SEC16A: variants seen among roughly 807,000 people sequenced by gnomAD.
The protein encoded by SEC16A is SEC16 homolog A, endoplasmic reticulum export factor.
Under a neutral mutation model 221.9 loss-of-function variants are expected in SEC16A, and 110 were observed. The ratio of observed to expected loss-of-function variants is 0.50; its 90% confidence interval spans 0.42 to 0.58. The LOEUF (loss-of-function observed/expected upper bound fraction) is 0.58. SEC16A is among the 20% of genes least tolerant of loss of function. SEC16A has a pLI of 0.00. For synonymous variants in SEC16A, 1,393 were observed against 1,257.7 expected (o/e 1.11, Z -2.28); for missense variants, 3,165 against 3,097.8 (o/e 1.02, Z -0.52).
intron 12 of SEC16A, among the ~76,000 whole-genome samples, 177 bp from the exon 13 acceptor site, chr9:136,461,451 A>G (rs1839470475): frequency 6.6e-6 from 1 of 152,210 alleles, no homozygotes; most frequent in Non-Finnish European, 1.5e-5. Flanking sequence ...TATTTTCCTG[A>G]GTTTCAAAGT....
rs573369208 is a variant in SEC16A at position 136,476,412 on chromosome 9, C to T, written c.1204G>A (p.Asp402Asn). The T allele has an allele frequency of 5.6e-6, 9 of 1,612,944 alleles. No individual in the cohort carries two copies. The African/African-American group carries it at 6.7e-5, about 12-fold the overall frequency. ...AGLSGQADFD[D>N]FCSSPGLGRP... ...CCTAGCCCAGGGCTGGAGCAGAAAT[C>T]GTCAAAGTCCGCTTGACCAGATAAG... is the stretch of plus-strand genomic sequence containing the variant. The change falls in exon 3 of 32, where the codon GAT (aspartate) becomes AAT (asparagine). Residue 402 changes from aspartate (D) to asparagine (N), a missense_variant. Physicochemically the swap from Asp to Asn is conservative, Grantham distance 23. This residue lies in a region of SEC16A where 2,030 missense variants were observed against 1,923.1 expected (regional missense o/e 1.06). Coordinates refer to ENST00000684901, the MANE Select transcript of SEC16A (RefSeq NM_014866.2).
At chr9:136,451,173 A>C (rs1454466331) in intron 23 of SEC16A, 83 bp downstream of exon 23, 2 of 1,427,382 alleles carry the variant, frequency 1.4e-6, no homozygotes, top group African/African-American at 2.8e-5. Flanking sequence ...TGTGTGGTGA[A>C]TTAAGAGGAT....
chr9:136,457,837 C>T (rs1293856818), intron 17 of SEC16A, among the ~76,000 whole-genome samples: 1 of 152,242 alleles, frequency 6.6e-6, no homozygotes, highest in Non-Finnish European at 1.5e-5. Flanking sequence ...CTCTGCTTTC[C>T]CCCCAACCCC....
rs550808161 is a variant in SEC16A, at chr9:136,459,078, T to C, written c.5409+56A>G. 54 of 1,323,032 alleles carry C rather than the reference T, an allele frequency of 4.1e-5. No homozygotes were observed. Among genetic ancestry groups the C allele is most frequent in the Admixed American group, 6.6e-5 (3 of 45,454 alleles). 82.0% of individuals were successfully genotyped at this position (1,323,032 alleles called of 1,614,324 possible). On this transcript the variant is annotated intron_variant, in intron 17 of 31. Coordinates refer to ENST00000684901, the MANE Select transcript of SEC16A (RefSeq NM_014866.2). The surrounding 1 kb of genome is among the most constrained non-coding windows in gnomAD (Gnocchi z 6.1). Reference sequence around the variant, plus strand: ...AACAATCTAAGTAGCCAAAAGCTTGTTAGCACTGAGTGCCTGCCCAGCCAT... The same window carrying C: ...AACAATCTAAGTAGCCAAAAGCTTGCTAGCACTGAGTGCCTGCCCAGCCAT...
chr9:136,447,808 T>G lies in SEC16A; in HGVS notation c.6447+45A>C, dbSNP rs1481743346. The G allele has an allele frequency of 5.1e-6, 8 of 1,580,404 alleles. No homozygotes were observed. The highest frequency in any genetic ancestry group is 1.3e-5 in the African/African-American group (1 of 74,262). On this transcript the variant is annotated intron_variant, in intron 25 of 31. Coordinates refer to ENST00000684901, the MANE Select transcript of SEC16A (RefSeq NM_014866.2). The surrounding 1 kb of genome is among the most constrained non-coding windows in gnomAD (Gnocchi z 5.5). ...CACAGGGCCACATGAGGCTGTTCCCTCCACTCACACCTCACACCCAACAGG... is the reference window on the plus strand; with the variant it reads ...CACAGGGCCACATGAGGCTGTTCCCGCCACTCACACCTCACACCCAACAGG...
chr9:136,461,041 A>G, intron 13 of SEC16A, 136 bp downstream of exon 13: 1 of 685,830 alleles, frequency 1.5e-6, no homozygotes, highest in South Asian at 1.6e-5. Context: ...CTCGAGGCCA[A>G]GGAAGCCCGA....
In SEC16A at chr9:136,482,971, G is replaced by A. The variant is rs1842603538; in HGVS notation, c.-225C>T. On this transcript the variant is annotated 5_prime_UTR_variant, in exon 1 of 32. Transcript: ENST00000684901. ...CTGAGACCGATCCCTCAGGAGCCGC[G>A]GGCGAAAGCCCACCCGACGCTGGCG... 2 of 984,896 alleles carry A rather than the reference G, an allele frequency of 2.0e-6. No individual in the cohort carries two copies. Among genetic ancestry groups the A allele is most frequent in the Admixed American group, 6.2e-5 (1 of 16,250 alleles). The allele number at this position is 984,896 out of a possible 1,614,324, so 61.0% of individuals were successfully genotyped here.
Position 136,455,641 on chromosome 9 carries a change from G to C in SEC16A, c.5817C>G (p.Ser1939Arg), listed in dbSNP as rs1435063692. The C allele has an allele frequency of 5.0e-6, 8 of 1,587,824 alleles. No individual in the cohort carries two copies. Among genetic ancestry groups the C allele is most frequent in the Non-Finnish European group, 6.8e-6 (8 of 1,168,588 alleles). The change falls in exon 20 of 32, where the codon AGC (serine) becomes AGG (arginine). Residue 1939 changes from serine (S) to arginine (R), a missense_variant. By Grantham distance (110) the Ser-to-Arg change is moderately radical (BLOSUM62 -1). Around this residue, in one of 3 missense-constraint regions of SEC16A, gnomAD observed 1,088 missense variants for 1,089.6 expected, o/e 1.00. Transcript: ENST00000684901. The part of the protein sequence containing the change: ...ANPLLAVPAP[S>R]PEHSSPSVRL... ...GCACGCTCGGGCTCGAGTGCTCAGG[G>C]CTCGGTGCAGGCACCGCCAGCAGAG...
At position 136,454,061 on chromosome 9, in the gene SEC16A, A is replaced by T. The variant is rs375367915; in HGVS notation, c.6076+48T>A. 4 of 1,478,346 alleles carry T rather than the reference A, an allele frequency of 2.7e-6. No homozygotes were observed. The East Asian group carries it at 7.4e-5, about 27-fold the overall frequency. The allele number at this position is 1,478,346 out of a possible 1,614,324, so 91.6% of individuals were successfully genotyped here. A position where few individuals can be genotyped will look rare whatever the true frequency, so the allele number is the denominator to read the frequency against. On this transcript the variant is annotated intron_variant, in intron 21 of 31. Transcript: ENST00000684901. ...TCTTCCACCAATCCCCACAAACACC[A>T]CACCCCATGCTGCTTCTGCTCTCGA...
At chr9:136,469,496 C>G (rs1055727361) in intron 4 of SEC16A, among the ~76,000 whole-genome samples, 1 of 152,126 alleles carries the variant, frequency 6.6e-6, no homozygotes, top group African/African-American at 2.4e-5. Context: ...GACCCTGTCT[C>G]CATAAAACAG....
chr9:136,459,832 C>T lies in SEC16A; in HGVS notation c.5116G>A (p.Ala1706Thr), dbSNP rs758670936. The change falls in exon 15 of 32, where the codon GCC becomes ACC. Residue 1706 changes from alanine to threonine, a missense_variant. Ala to Thr is a moderately conservative substitution (Grantham distance 58). Coordinates refer to ENST00000684901, the MANE Select transcript of SEC16A (RefSeq NM_014866.2). This position sits in a 1 kb window ranked among gnomAD's most constrained non-coding sequence, Gnocchi z 6.1. ...TTGTTCAAGTTGGACAAGACCATGG[C>T]GAGGTGCGGCCTCCAATCTCCCCAT... is the stretch of plus-strand genomic sequence containing the variant. ...EKWGDWRPHLAMVLSNLNNNM... is the reference protein window; with the variant it reads ...EKWGDWRPHLTMVLSNLNNNM... 3.1e-6 allele frequency: 5 copies of T among 1,613,570 alleles called. No individual in the cohort carries two copies. Among genetic ancestry groups the T allele is most frequent in the South Asian group, 1.1e-5 (1 of 90,952 alleles).
At chr9:136,443,757 G>T in intron 31 of SEC16A, 66 bp downstream of exon 31, 1 of 1,150,194 alleles carries the variant, frequency 8.7e-7, no homozygotes, top group South Asian at 1.3e-5. Context: ...TGCCATCACT[G>T]AGCAGCAGGG....
chr9:136,474,161 G>A lies in SEC16A; in HGVS notation c.3455C>T (p.Pro1152Leu), dbSNP rs376257670. ...GTAGTAGGCGGCCAGGTCCTGAGGCGGTGGGCCGGGGGCAAGTGCAGGCAC... is the reference window on the plus strand; with the variant it reads ...GTAGTAGGCGGCCAGGTCCTGAGGCAGTGGGCCGGGGGCAAGTGCAGGCAC... ...QPVPALAPGP[P>L]PQDLAAYYYY... is the part of the protein sequence containing the mutation. The change falls in exon 3 of 32, where the codon CCG (proline) becomes CTG (leucine). Residue 1152 changes from proline to leucine, a missense_variant. Pro to Leu is a moderately conservative substitution (Grantham distance 98). Transcript: ENST00000684901. 100 of 1,613,136 alleles carry A rather than the reference G, an allele frequency of 6.2e-5. No individual in the cohort carries two copies. The highest frequency in any genetic ancestry group is 7.8e-5 in the Non-Finnish European group (92 of 1,179,880).
chr9:136,451,414 G>A lies in SEC16A; in HGVS notation c.6160-6C>T, dbSNP rs759936401. 1.1e-5 allele frequency: 17 copies of A among 1,588,096 alleles called. No homozygotes were observed. The highest frequency in any genetic ancestry group is 1.8e-5 in the Admixed American group (1 of 55,106). The stretch of plus-strand genomic sequence containing the variant: ...GGCACCGTCCTCGAGGGGGTCTGTC[G>A]CAAGGAAATGCAGAACAGGCTCTCC... On this transcript the variant is annotated splice_region_variant and splice_polypyrimidine_tract_variant and intron_variant, in intron 22 of 31. Coordinates refer to ENST00000684901, the MANE Select transcript of SEC16A (RefSeq NM_014866.2).
chr9:136,459,220 C>T lies in SEC16A; in HGVS notation c.5323G>A (p.Ala1775Thr), dbSNP rs778929428. The T allele has an allele frequency of 8.7e-6, 14 of 1,613,504 alleles. No homozygotes were observed. Among genetic ancestry groups the T allele is most frequent in the South Asian group, 3.3e-5 (3 of 91,016 alleles). The part of the protein sequence containing the change: ...SNHSLPFLKF[A>T]TNEAIQRTEA... ...GTCCTCTGGATTGCTTCGTTGGTTG[C>T]GAACTTTAAGAATGGCAAACTGTAG... Residue 1775 changes from alanine to threonine, a missense_variant, in exon 17 of 32, where the codon GCA (alanine) becomes ACA (threonine). By Grantham distance (58) the Ala-to-Thr change is moderately conservative. This residue lies in a region of SEC16A where 1,088 missense variants were observed against 1,089.6 expected (regional missense o/e 1.00). Coordinates refer to ENST00000684901, the MANE Select transcript of SEC16A (RefSeq NM_014866.2). This position sits in a 1 kb window ranked among gnomAD's most constrained non-coding sequence, Gnocchi z 6.1.
At chr9:136,446,810 C>T (rs1289774742) in intron 28 of SEC16A, 45 bp downstream of exon 28, 5 of 1,546,316 alleles carry the variant, frequency 3.2e-6, no homozygotes, top group Non-Finnish European at 4.4e-6. Flanking sequence ...TGGGGAGGTG[C>T]CTCCTCACTG....
rs1842607564 is a variant in SEC16A at position 136,482,999 on chromosome 9, G to A, written c.-253C>T. On this transcript the variant is annotated 5_prime_UTR_variant, in exon 1 of 32. Coordinates refer to ENST00000684901, the MANE Select transcript of SEC16A (RefSeq NM_014866.2). ...CGAAAGCCCACCCGACGCTGGCGAC[G>A]AGCACAGACACCTCAGCCGCCGCAG... 1 of 985,094 alleles carries A rather than the reference G, an allele frequency of 1.0e-6. No individual in the cohort carries two copies. Among genetic ancestry groups the A allele is most frequent in the Non-Finnish European group, 1.2e-6 (1 of 829,878 alleles). 61.0% of individuals were successfully genotyped at this position (985,094 alleles called of 1,614,324 possible). A position where few individuals can be genotyped will look rare whatever the true frequency, so the allele number is the denominator to read the frequency against.
chr9:136,475,202 G>C lies in SEC16A; in HGVS notation c.2414C>G (p.Ser805Cys), dbSNP rs1379167728. The C allele has an allele frequency of 4.3e-6, 7 of 1,613,668 alleles. No homozygotes were observed. Among genetic ancestry groups the C allele is most frequent in the African/African-American group, 1.3e-5 (1 of 74,928 alleles). ...PKMGEEEALQ[S>C]QASSGYASLL... Reference sequence around the variant, plus strand: ...ACTTGCATAACCAGAACTCGCCTGGGACTGAAGGGCCTCCTCCTCTCCCAT... The same window carrying C: ...ACTTGCATAACCAGAACTCGCCTGGCACTGAAGGGCCTCCTCCTCTCCCAT... Residue 805 changes from serine to cysteine, a missense_variant, in exon 3 of 32, where the codon TCC becomes TGC. Around this residue, in one of 3 missense-constraint regions of SEC16A, gnomAD observed 2,030 missense variants for 1,923.1 expected, o/e 1.06. Coordinates refer to ENST00000684901, the MANE Select transcript of SEC16A (RefSeq NM_014866.2). The surrounding 1 kb of genome is among the most constrained non-coding windows in gnomAD (Gnocchi z 5.0).
At position 136,475,819 on chromosome 9, in the gene SEC16A, A is replaced by G; in HGVS notation, c.1797T>C (p.Pro599=). ...SQPSTPSPPK[P]TGIFQTSANS... ...TTGCACTTGTCTGAAATATTCCTGT[A>G]GGTTTCGGGGGGCTCGGGGTTGAGG... Residue 599 remains proline (P), a synonymous_variant, in exon 3 of 32, where the codon CCT becomes CCC. Coordinates refer to ENST00000684901, the MANE Select transcript of SEC16A (RefSeq NM_014866.2). This position sits in a 1 kb window ranked among gnomAD's most constrained non-coding sequence, Gnocchi z 5.0. 1 of 1,582,436 alleles carries G rather than the reference A, an allele frequency of 6.3e-7. No homozygotes were observed. Among genetic ancestry groups the G allele is most frequent in the South Asian group, 1.1e-5 (1 of 87,398 alleles).
Sources: gnomAD v4.1 joint callset for allele counts (sites outside exome capture counted in the v4.1 genomes callset) on GRCh38, gnomAD v4.1.1 for gene constraint, gnomAD v4.1.1 regional missense constraint, Gnocchi (gnomAD v3.1) non-coding constraint, MANE v1.5 for transcripts, NCBI Gene and HGNC (gene_info 2026-07-23, HGNC 2026-07-21) for gene names.